SCN2A: variants seen among roughly 807,000 people sequenced by gnomAD.
The protein encoded by SCN2A is sodium channel protein type 2 subunit alpha.
Under a neutral mutation model 188.7 loss-of-function variants are expected in SCN2A, and 20 were observed. The ratio of observed to expected loss-of-function variants is 0.11; its 90% CI spans 0.07 to 0.15. SCN2A has a LOEUF of 0.15. SCN2A is among the 10% of genes least tolerant of loss of function. SCN2A has a pLI of 1.00. For synonymous variants in SCN2A, 804 were observed against 833.1 expected (o/e 0.97, Z 0.60); for missense variants, 1,278 against 2,445.0 (o/e 0.52, Z 10.07).
rs77343161 is a variant in SCN2A, at chr2:165,367,159, C to G, written c.3521-58C>G. 890 of 1,552,766 alleles carry G rather than the reference C, an allele frequency of 5.7e-4. 4 individuals carry two copies. The African/African-American group carries it at 0.011, about 19-fold the overall frequency. On this transcript the variant is annotated intron_variant, in intron 18 of 26. Transcript: ENST00000375437. ...AATGTAAATGAATCTCCCACCAACA[C>G]AAATATACCTAATCAAAGAGTAATT...
intron 14 of SCN2A, among the ~76,000 whole-genome samples, chr2:165,332,462 A>G (rs907574041): frequency 6.6e-6 from 1 of 151,988 alleles, no homozygotes; most frequent in Admixed American, 6.6e-5. Flanking sequence ...ATTCCCACAA[A>G]ACCAGTCTTA....
rs755159786 is a variant in SCN2A, at chr2:165,388,832, A to G, written c.5026A>G (p.Ile1676Val). 1.2e-5 allele frequency: 19 copies of G among 1,613,944 alleles called. No individual in the cohort carries two copies. Among genetic ancestry groups the G allele is most frequent in the Non-Finnish European group, 1.6e-5 (19 of 1,179,998 alleles). The part of the protein sequence containing the change: ...LLFLVMFIYA[I>V]FGMSNFAYVK... Reference sequence around the variant, plus strand: ...TTTCCTGGTCATGTTCATCTACGCCATCTTTGGGATGTCCAATTTTGCCTA... The same window carrying G: ...TTTCCTGGTCATGTTCATCTACGCCGTCTTTGGGATGTCCAATTTTGCCTA... The change falls in exon 27 of 27, where the codon ATC (isoleucine) becomes GTC (valine). Residue 1676 changes from isoleucine to valine, a missense_variant. By Grantham distance (29) the Ile-to-Val change is conservative (BLOSUM62 3). Around this residue, in one of 17 missense-constraint regions of SCN2A, gnomAD observed 47 missense variants for 109.0 expected, o/e 0.43. Transcript: ENST00000375437.
At position 165,389,525 on chromosome 2, in the gene SCN2A, G is replaced by A. The variant is rs1229282084; in HGVS notation, c.5719G>A (p.Val1907Met). 2 of 1,613,800 alleles carry A rather than the reference G, an allele frequency of 1.2e-6. No homozygotes were observed. Among genetic ancestry groups the A allele is most frequent in the African/African-American group, 1.3e-5 (1 of 74,864 alleles). The change falls in exon 27 of 27, where the codon GTG (valine) becomes ATG (methionine). Residue 1907 changes from valine (V) to methionine (M), a missense_variant. Transcript: ENST00000375437. This position sits in a 1 kb window ranked among gnomAD's most constrained non-coding sequence, Gnocchi z 4.2. ...CACGTTGAAACGCAAACAAGAGGAG[G>A]TGTCTGCTATTATTATCCAGAGGGC... is the stretch of plus-strand genomic sequence containing the variant. ...TTTLKRKQEE[V>M]SAIIIQRAYR...
chr2:165,313,439 T>C (rs532620078), intron 8 of SCN2A, among the ~76,000 whole-genome samples, 181 bp from the exon 9 acceptor site: 2 of 152,312 alleles, frequency 1.3e-5, no homozygotes, highest in East Asian at 3.9e-4. Flanking sequence ...GTAGACCTTA[T>C]AGATTCTGTT....
intron 18 of SCN2A, among the ~76,000 whole-genome samples, chr2:165,366,339 G>T (rs1162685328): frequency 6.6e-6 from 1 of 152,156 alleles, no homozygotes; most frequent in African/African-American, 2.4e-5. Context: ...ATAAGTATTT[G>T]TTGAAGAGCC....
intron 12 of SCN2A, among the ~76,000 whole-genome samples, chr2:165,324,944 TA>T (rs1017937830): frequency 1.3e-5 from 2 of 152,210 alleles, no homozygotes; most frequent in African/African-American, 4.8e-5. Flanking sequence ...TCATACTACT[TA>T]CATCAGAATC....
intron 1 of SCN2A, among the ~76,000 whole-genome samples, chr2:165,258,818 C>A (rs1694444678): frequency 6.6e-6 from 1 of 152,130 alleles, no homozygotes; most frequent in African/African-American, 2.4e-5. Flanking sequence ...TTATAGTAGG[C>A]AAACTAACTG....
chr2:165,284,769 G>A (rs1012187397), intron 1 of SCN2A, among the ~76,000 whole-genome samples: 1 of 152,144 alleles, frequency 6.6e-6, no homozygotes, highest in African/African-American at 2.4e-5. Context: ...TTAAAATCCA[G>A]AATTGGAATT....
At chr2:165,273,927 GT>G (rs145492902) in intron 1 of SCN2A, 1 of 152,050 alleles carries the variant, frequency 6.6e-6, no homozygotes, top group Non-Finnish European at 1.5e-5. Flanking sequence ...CCAGCCTGCT[GT>G]TTTTTCTGTT....
At chr2:165,385,619 A>G (rs1166309228) in intron 25 of SCN2A, among the ~76,000 whole-genome samples, 1 of 152,192 alleles carries the variant, frequency 6.6e-6, no homozygotes, top group Non-Finnish European at 1.5e-5. Context: ...AGTTCTCACA[A>G]CTAAGAAATT....
Position 165,342,584 on chromosome 2 carries a change from A to G in SCN2A, c.2562+115A>G, listed in dbSNP as rs180945460. 7 of 1,147,288 alleles carry G rather than the reference A, an allele frequency of 6.1e-6. No individual in the cohort carries two copies. In the East Asian group the frequency reaches 1.7e-4, roughly 28 times the overall value. The allele number at this position is 1,147,288 out of a possible 1,614,324, so 71.1% of individuals were successfully genotyped here. A position where few individuals can be genotyped will look rare whatever the true frequency, so the allele number is the denominator to read the frequency against. On this transcript the variant is annotated intron_variant, in intron 15 of 26. Transcript: ENST00000375437. ...TATAATATTATTTGAATACACTTCTAAAACAAATTGGATTGCCATACCACC... is the reference window on the plus strand; with the variant it reads ...TATAATATTATTTGAATACACTTCTGAAACAAATTGGATTGCCATACCACC...
At chr2:165,348,349 ACT>A (rs1215293869) in intron 16 of SCN2A, among the ~76,000 whole-genome samples, 6 of 131,274 alleles carry the variant, frequency 4.6e-5, no homozygotes, top group Admixed American at 1.8e-4. Flanking sequence ...AAAGAGCGAG[ACT>A]CTGTTGCAAA....
rs1292269804 is a variant in SCN2A, at chr2:165,381,208, C to T, written c.4551+11C>T. ...ATACCTCGACCTGCTGTAAGAATAA[C>T]ATATTTTCATTGCCTGTTAAAACTA... On this transcript the variant is annotated intron_variant, in intron 25 of 26. Coordinates refer to ENST00000375437, the MANE Select transcript of SCN2A (RefSeq NM_001040142.2). 2.6e-6 allele frequency: 4 copies of T among 1,528,796 alleles called. No homozygotes were observed. The Admixed American group carries it at 5.7e-5, about 22-fold the overall frequency. The allele number at this position is 1,528,796 out of a possible 1,614,324, so 94.7% of individuals were successfully genotyped here. A position where few individuals can be genotyped will look rare whatever the true frequency, so the allele number is the denominator to read the frequency against.
At chr2:165,290,752 G>A in intron 1 of SCN2A, 2 of 984,966 alleles carry the variant, frequency 2.0e-6, no homozygotes, top group Non-Finnish European at 2.4e-6. Flanking sequence ...GCGCTTGATT[G>A]CAGTAGGACA....
intron 14 of SCN2A, among the ~76,000 whole-genome samples, chr2:165,335,820 T>A (rs1698959796): frequency 6.6e-6 from 1 of 151,832 alleles, no homozygotes; most frequent in Non-Finnish European, 1.5e-5. Flanking sequence ...ACTTAAAGAA[T>A]GGAAGAAGAC....
At chr2:165,247,642 A>C (rs1199262430) in intron 1 of SCN2A, among the ~76,000 whole-genome samples, 1 of 152,114 alleles carries the variant, frequency 6.6e-6, no homozygotes, top group Non-Finnish European at 1.5e-5. Context: ...CTGCCTTCCC[A>C]GACTTCATTA....
Position 165,374,912 on chromosome 2 carries a change from T to C in SCN2A, c.4200T>C (p.Asn1400=), listed in dbSNP as rs780902406. ...IESNQTARWK[N]VKVNFDNVGL... is the part of the protein sequence containing the mutation. ...GCAATCAAACTGCCAGGTGGAAAAA[T>C]GTGAAAGTAAACTTTGATAACGTAG... Residue 1400 remains asparagine, a synonymous_variant, in exon 22 of 27, where the codon AAT becomes AAC. Transcript: ENST00000375437. 3.1e-6 allele frequency: 5 copies of C among 1,613,498 alleles called. No homozygotes were observed. In the East Asian group the frequency reaches 8.9e-5, roughly 29 times the overall value.
chr2:165,246,262 C>CT (rs1429730018), intron 1 of SCN2A, among the ~76,000 whole-genome samples: 6 of 152,148 alleles, frequency 3.9e-5, no homozygotes, highest in African/African-American at 1.4e-4. Context: ...TCCACTGGCA[C>CT]TTTATACCCA....
chr2:165,267,489 T>A (rs1694921550), intron 1 of SCN2A: 1 of 151,822 alleles, frequency 6.6e-6, no homozygotes, highest in Admixed American at 6.6e-5. Context: ...TATACAAAAA[T>A]CAACTCAAAA....
Sources: gnomAD v4.1 joint callset for allele counts (sites outside exome capture counted in the v4.1 genomes callset) on GRCh38, gnomAD v4.1.1 for gene constraint, gnomAD v4.1.1 regional missense constraint, Gnocchi (gnomAD v3.1) non-coding constraint, MANE v1.5 for transcripts, NCBI Gene and HGNC (gene_info 2026-07-23, HGNC 2026-07-21) for gene names.